Variants in SUCLG1 observed in about 807,000 individuals in gnomAD.
SUCLG1 encodes succinate-CoA ligase GDP/ADP-forming subunit alpha, also known as succinate--CoA ligase [ADP/GDP-forming] subunit alpha, mitochondrial.
In SUCLG1, 26 loss-of-function variants were observed where a neutral mutation model predicts 37.3. That is an observed-to-expected ratio of 0.70 (90% CI 0.51 to 0.97). The LOEUF (loss-of-function observed/expected upper bound fraction) is 0.97, where lower values mean the gene tolerates loss of function less well. Ranked by LOEUF, SUCLG1 falls within the 50% of genes least tolerant of loss-of-function variation. The pLI is 0.00. For synonymous variants in SUCLG1, 163 were observed against 155.6 expected (o/e 1.05, Z -0.36); for missense variants, 433 against 432.9 (o/e 1.00, Z 0.00).
chr2:84,433,136 T>C (rs113224454), intron 6 of SUCLG1: 1 of 604,962 alleles, frequency 1.7e-6, no homozygotes, highest in African/African-American at 1.9e-5. Flanking sequence ...TGTTCCAAGA[T>C]GTTAGTTCTT....
intron 5 of SUCLG1, among the ~76,000 whole-genome samples, chr2:84,438,130 C>T (rs1172862887): frequency 6.6e-6 from 1 of 152,176 alleles, no homozygotes; most frequent in Non-Finnish European, 1.5e-5. Flanking sequence ...GAAAAGTTCT[C>T]TATATTGACT....
At chr2:84,429,106 C>A (rs1422498092) in intron 7 of SUCLG1, among the ~76,000 whole-genome samples, 1 of 152,212 alleles carries the variant, frequency 6.6e-6, no homozygotes, top group Non-Finnish European at 1.5e-5. Flanking sequence ...CGAGTGTTTA[C>A]ACCAAGTATT....
chr2:84,436,112 G>A (rs887346051), intron 5 of SUCLG1, among the ~76,000 whole-genome samples: 2 of 152,088 alleles, frequency 1.3e-5, no homozygotes, highest in African/African-American at 4.8e-5. Context: ...GTCAAGGCAG[G>A]TACTGATGGC....
intron 8 of SUCLG1, among the ~76,000 whole-genome samples, chr2:84,424,661 A>AT (rs1396891045): frequency 1.3e-5 from 2 of 152,068 alleles, no homozygotes; most frequent in African/African-American, 4.8e-5. Flanking sequence ...TTAAGAGGAG[A>AT]TTTTTTGTTG....
At chr2:84,445,170 C>G (rs1214388523) in intron 2 of SUCLG1, among the ~76,000 whole-genome samples, 3 of 152,160 alleles carry the variant, frequency 2.0e-5, no homozygotes, top group African/African-American at 7.2e-5. Context: ...AATTTATGTT[C>G]AGAGATTGCA....
intron 1 of SUCLG1, chr2:84,458,306 C>T (rs1673061945): frequency 2.0e-5 from 3 of 152,004 alleles, no homozygotes; most frequent in Admixed American, 2.0e-4. Flanking sequence ...GCTTCAGGCC[C>T]CTTAAAATGT....
intron 5 of SUCLG1, chr2:84,433,833 T>TC (rs963605890): frequency 6.8e-5 from 15 of 220,544 alleles, no homozygotes; most frequent in Admixed American, 1.1e-4. Context: ...TGGGTATTTG[T>TC]CCCCTCCAAA....
In SUCLG1 at chr2:84,443,330, C is replaced by T. The variant is rs1225454425; in HGVS notation, c.272G>A (p.Gly91Glu). ...KLVGGTTPGK[G>E]GQTHLGLPVF... Reference sequence around the variant, plus strand: ...AGGTAAGCCCAGATGTGTCTGGCCTCCTTTCCCTGGAGTGGTTCCTCCAAC... The same window carrying T: ...AGGTAAGCCCAGATGTGTCTGGCCTTCTTTCCCTGGAGTGGTTCCTCCAAC... Residue 91 changes from glycine (G) to glutamate (E), a missense_variant, in exon 3 of 9, where the codon GGA becomes GAA. Coordinates refer to ENST00000393868, the MANE Select transcript of SUCLG1 (RefSeq NM_003849.4). The T allele has an allele frequency of 6.2e-7, 1 of 1,614,082 alleles. No homozygotes were observed. Among genetic ancestry groups the T allele is most frequent in the African/African-American group, 1.3e-5 (1 of 74,936 alleles).
intron 5 of SUCLG1, among the ~76,000 whole-genome samples, chr2:84,436,277 TA>T (rs1672685760): frequency 6.6e-6 from 1 of 152,250 alleles, no homozygotes; most frequent in African/African-American, 2.4e-5. Context: ...AGAATTATAT[TA>T]AAATCATAAT....
At chr2:84,436,130 G>C (rs1672684508) in intron 5 of SUCLG1, among the ~76,000 whole-genome samples, 1 of 152,152 alleles carries the variant, frequency 6.6e-6, no homozygotes, top group African/African-American at 2.4e-5. Flanking sequence ...GGCAAATACT[G>C]AGGACAGAGG....
At chr2:84,424,781 A>G (rs1392064594) in intron 8 of SUCLG1, among the ~76,000 whole-genome samples, 1 of 152,206 alleles carries the variant, frequency 6.6e-6, no homozygotes, top group African/African-American at 2.4e-5. Flanking sequence ...CAGTGCAAAG[A>G]GATTACAAAA....
intron 5 of SUCLG1, 79 bp downstream of exon 5, chr2:84,440,968 A>G: frequency 6.9e-7 from 1 of 1,452,952 alleles, no homozygotes; most frequent in South Asian, 1.2e-5. Flanking sequence ...TGATTTGCAA[A>G]GTCAAAAATT....
intron 7 of SUCLG1, chr2:84,425,911 T>G (rs1179701081): frequency 2.6e-6 from 1 of 389,160 alleles, no homozygotes; most frequent in African/African-American, 2.1e-5. Context: ...CTGGAAAATA[T>G]GATTTGCGAT....
intron 1 of SUCLG1, among the ~76,000 whole-genome samples, chr2:84,451,143 GCTTCCACTTCTCCCA>G (rs971420681): frequency 3.3e-5 from 5 of 152,128 alleles, no homozygotes; most frequent in African/African-American, 1.2e-4. Flanking sequence ...CTTGCCCTTG[GCTTCCACTTCTCCCA>G]GCTGAACACC....
In SUCLG1 at chr2:84,423,739, T is replaced by C. The variant is rs1672491210; in HGVS notation, c.*7A>G. 1 of 1,602,298 alleles carries C rather than the reference T, an allele frequency of 6.2e-7. No homozygotes were observed. The highest frequency in any genetic ancestry group is 1.3e-5 in the African/African-American group (1 of 74,836). On this transcript the variant is annotated 3_prime_UTR_variant, in exon 9 of 9. Coordinates refer to ENST00000393868, the MANE Select transcript of SUCLG1 (RefSeq NM_003849.4). ...CATTCCACAGTTTTAGGAATTTTTT[T>C]TTTCTTTCATAGCATCTTCCTCTTT...
chr2:84,456,703 G>C (rs535983041), intron 1 of SUCLG1, among the ~76,000 whole-genome samples: 24 of 151,964 alleles, frequency 1.6e-4, no homozygotes, highest in Admixed American at 9.8e-4. Context: ...TCACTCTGTT[G>C]CCCAGGCTGG....
chr2:84,456,630 G>A (rs1174783067), intron 1 of SUCLG1, among the ~76,000 whole-genome samples: 1 of 151,888 alleles, frequency 6.6e-6, no homozygotes, highest in Non-Finnish European at 1.5e-5. Context: ...ATTTTTCATT[G>A]TATTTTCTCT....
chr2:84,439,423 C>G (rs1401275577), intron 5 of SUCLG1, among the ~76,000 whole-genome samples: 1 of 152,156 alleles, frequency 6.6e-6, no homozygotes, highest in Non-Finnish European at 1.5e-5. Context: ...GCCTTCAAAA[C>G]AGACCCAAGA....
At chr2:84,431,745 C>A in intron 6 of SUCLG1, 86 bp from the exon 7 acceptor site, 1 of 1,396,406 alleles carries the variant, frequency 7.2e-7, no homozygotes, top group South Asian at 1.2e-5. Flanking sequence ...ACTAGTTTGT[C>A]ATTTTTCTTA....
Sources: allele counts gnomAD v4.1 joint callset (sites outside exome capture counted in the v4.1 genomes callset), GRCh38; gene constraint gnomAD v4.1.1; transcripts MANE v1.5; gene names NCBI Gene and HGNC (gene_info 2026-07-23, HGNC 2026-07-21).